Variants in SETD4 observed in about 807,000 individuals in gnomAD.
The protein encoded by SETD4 is SET domain-containing protein 4.
A neutral mutation model predicts 58.3 loss-of-function variants in SETD4; 46 were observed. That is an observed-to-expected ratio of 0.79 (90% CI 0.62 to 1.01). SETD4 has a LOEUF of 1.01. SETD4 is among the 50% of genes least tolerant of loss of function. The probability of loss-of-function intolerance (pLI) is 0.00; values close to 1 mark genes in which losing one functional copy is unlikely to be tolerated. For synonymous variants in SETD4, 190 were observed against 202.6 expected, an observed-to-expected ratio of 0.94 and a Z score of 0.53; for missense variants, 490 against 523.3, an observed-to-expected ratio of 0.94 and a Z score of 0.62.
intron 7 of SETD4, chr21:36,042,181 T>C (rs2064097249): frequency 1.0e-5 from 2 of 192,654 alleles, no homozygotes; most frequent in Non-Finnish European, 2.1e-5. Flanking sequence ...GACATCAGCA[T>C]GACTGTTGAA....
At chr21:36,049,217 G>C (rs533680594) in intron 4 of SETD4, among the ~76,000 whole-genome samples, 2 of 152,330 alleles carry the variant, frequency 1.3e-5, no homozygotes, top group East Asian at 3.9e-4. Flanking sequence ...GAAGCCAGAT[G>C]TAAGACTCTC....
Position 36,035,724 on chromosome 21 carries a change from G to T in SETD4, c.*269C>A. On this transcript the variant is annotated 3_prime_UTR_variant, in exon 12 of 12. Transcript: ENST00000332131. Reference sequence around the variant, plus strand: ...TGTCAGATAAGAAGCAGGCCCCGTGGTGACAGACCACACACGGACGCAGCT... The same window carrying T: ...TGTCAGATAAGAAGCAGGCCCCGTGTTGACAGACCACACACGGACGCAGCT... The T allele has an allele frequency of 4.0e-6, 1 of 253,042 alleles. No individual in the cohort carries two copies. Among genetic ancestry groups the T allele is most frequent in the Non-Finnish European group, 7.7e-6 (1 of 129,408 alleles). 15.7% of individuals were successfully genotyped at this position (253,042 alleles called of 1,614,324 possible).
At chr21:36,045,526 G>C (rs1043784210) in intron 6 of SETD4, 56 bp downstream of exon 6, 16 of 1,570,140 alleles carry the variant, frequency 1.0e-5, no homozygotes, top group Middle Eastern at 2.1e-4. Flanking sequence ...ACAGGTTCTG[G>C]GCAGCGGAAG....
chr21:36,047,317 C>T (rs1013026107), intron 5 of SETD4, among the ~76,000 whole-genome samples: 7 of 152,154 alleles, frequency 4.6e-5, no homozygotes, highest in South Asian at 2.1e-4. Flanking sequence ...CCTTCCACTG[C>T]GGGTCGCTCT....
chr21:36,044,368 A>G (rs965349038), intron 6 of SETD4, among the ~76,000 whole-genome samples: 1 of 152,252 alleles, frequency 6.6e-6, no homozygotes, highest in Non-Finnish European at 1.5e-5. Context: ...CAATCCTTTC[A>G]AAGTGTAAAA....
At position 36,043,878 on chromosome 21, in the gene SETD4, A is replaced by G. The variant is rs1319509291; in HGVS notation, c.805T>C (p.Phe269Leu). The G allele has an allele frequency of 6.2e-7, 1 of 1,614,112 alleles. No individual in the cohort carries two copies. The highest frequency in any genetic ancestry group is 1.3e-5 in the African/African-American group (1 of 74,938). ...TSRWRKHEEV[F>L]ICYGPHDNQR... ...TTATCGTGAGGGCCGTAACAGATGA[A>G]TACCTCTTCATGCTTTCTCCAACGT... The change falls in exon 7 of 12, where the codon TTC becomes CTC. Residue 269 changes from phenylalanine (F) to leucine (L), a missense_variant. Coordinates refer to ENST00000332131, the MANE Select transcript of SETD4 (RefSeq NM_017438.5).
Position 36,048,391 on chromosome 21 carries a change from T to TC in SETD4, c.212dup (p.Gln72ThrfsTer8). The TC allele has an allele frequency of 6.2e-7, 1 of 1,613,984 alleles. No homozygotes were observed. Among genetic ancestry groups the TC allele is most frequent in the South Asian group, 1.1e-5 (1 of 91,078 alleles). ...TCTCAGGCAACGAAATAATCATCTGTCCCTCCTGGCCAAAAGGAAAGTAAA... is the reference window on the plus strand; with the variant it reads ...TCTCAGGCAACGAAATAATCATCTGTCCCCTCCTGGCCAAAAGGAAAGTAAA... On this transcript the variant is annotated frameshift_variant, in exon 5 of 12. Transcript: ENST00000332131. LOFTEE classifies it high-confidence loss of function.
At position 36,038,244 on chromosome 21, in the gene SETD4, T is replaced by C. The variant is rs2063875003; in HGVS notation, c.1094A>G (p.Glu365Gly). The C allele has an allele frequency of 1.2e-6, 2 of 1,613,808 alleles. No homozygotes were observed. ...CTTCTCATTCGTATCTGAAATTACCTCCCCAAGAAGTACTTTTTTCCAGCA... is the reference window on the plus strand; with the variant it reads ...CTTCTCATTCGTATCTGAAATTACCCCCCCAAGAAGTACTTTTTTCCAGCA... ...FTCWKKVLLG[E>G]VISDTNEKTS... is the part of the protein sequence containing the mutation. Residue 365 changes from glutamate (E) to glycine (G), a missense_variant, in exon 10 of 12, where the codon GAG becomes GGG. By Grantham distance (98) the Glu-to-Gly change is moderately conservative. Transcript: ENST00000332131.
At chr21:36,043,747 A>G in intron 7 of SETD4, 35 bp downstream of exon 7, 5 of 1,604,406 alleles carry the variant, frequency 3.1e-6, no homozygotes, top group Non-Finnish European at 4.3e-6. Flanking sequence ...AAAAAATTAT[A>G]TAGTGTTAAT....
At chr21:36,053,668 G>C (rs1167291888) in intron 3 of SETD4, 48 bp from the exon 4 acceptor site, 1 of 1,578,604 alleles carries the variant, frequency 6.3e-7, no homozygotes. Flanking sequence ...ATAACTTCAA[G>C]GTCCCAGAGA....
intron 3 of SETD4, among the ~76,000 whole-genome samples, chr21:36,054,454 C>T (rs1045341191): frequency 6.6e-6 from 1 of 152,216 alleles, no homozygotes; most frequent in African/African-American, 2.4e-5. Flanking sequence ...TCGTTCTTCA[C>T]CTTTCCTCTC....
At chr21:36,044,703 C>T (rs149606898) in intron 6 of SETD4, among the ~76,000 whole-genome samples, 6 of 152,342 alleles carry the variant, frequency 3.9e-5, no homozygotes, top group African/African-American at 1.4e-4. Flanking sequence ...GCGGGAACCT[C>T]CCTAAGCTCT....
intron 4 of SETD4, among the ~76,000 whole-genome samples, chr21:36,049,533 C>T (rs973720543): frequency 2.6e-5 from 4 of 151,940 alleles, no homozygotes; most frequent in African/African-American, 4.8e-5. Context: ...CTAGCCTGGG[C>T]GACAGAACGT....
At chr21:36,057,577 T>C in intron 2 of SETD4, 1 of 455,690 alleles carries the variant, frequency 2.2e-6, no homozygotes, top group Non-Finnish European at 4.0e-6. Context: ...ACTATATTCA[T>C]TCAATGTAAT....
At position 36,053,443 on chromosome 21, in the gene SETD4, A is replaced by G. The variant is rs1342831938; in HGVS notation, c.207+140T>C. ...TGCAACAAACTTAATCCTAGTTGAT[A>G]GAACCATATTCAAATATATCTATTA... is the stretch of plus-strand genomic sequence containing the variant. On this transcript the variant is annotated intron_variant, in intron 4 of 11. Coordinates refer to ENST00000332131, the MANE Select transcript of SETD4 (RefSeq NM_017438.5). The G allele has an allele frequency of 4.8e-6, 4 of 830,334 alleles. No homozygotes were observed. In the African/African-American group the frequency reaches 6.8e-5, roughly 14 times the overall value. 51.4% of individuals were successfully genotyped at this position (830,334 alleles called of 1,614,324 possible).
At chr21:36,049,638 A>T (rs1004958361) in intron 4 of SETD4, among the ~76,000 whole-genome samples, 2 of 152,240 alleles carry the variant, frequency 1.3e-5, no homozygotes, top group Non-Finnish European at 2.9e-5. Flanking sequence ...ATTAAGCTGG[A>T]TGATCACTAT....
intron 10 of SETD4, 125 bp downstream of exon 10, chr21:36,038,025 A>T (rs922365232): frequency 1.7e-5 from 19 of 1,125,120 alleles, no homozygotes; most frequent in Middle Eastern, 5.8e-4. Flanking sequence ...GATTACATCA[A>T]CATTTATTTA....
At position 36,059,742 on chromosome 21, in the gene SETD4, G is replaced by C. The variant is rs1036601927; in HGVS notation, c.-37+605C>G. 1.2e-5 allele frequency: 12 copies of C among 984,530 alleles called. No homozygotes were observed. The Admixed American group carries it at 6.8e-4, about 55-fold the overall frequency. 61.0% of individuals were successfully genotyped at this position (984,530 alleles called of 1,614,324 possible). A position where few individuals can be genotyped will look rare whatever the true frequency, so the allele number is the denominator to read the frequency against. ...AAATAAATCTACTTCTAAAACATAC[G>C]AGGGCAGAAATGAGCAAGAGACAAG... On this transcript the variant is annotated intron_variant, in intron 1 of 11. Coordinates refer to ENST00000332131, the MANE Select transcript of SETD4 (RefSeq NM_017438.5).
intron 4 of SETD4, chr21:36,051,049 C>T (rs1286123393): frequency 2.0e-6 from 3 of 1,469,444 alleles, no homozygotes; most frequent in Admixed American, 3.3e-5. Flanking sequence ...GTCTGTGAGG[C>T]CAATGCAAAT....
Sources: allele counts gnomAD v4.1 joint callset (sites outside exome capture counted in the v4.1 genomes callset), GRCh38; gene constraint gnomAD v4.1.1; transcripts MANE v1.5; gene names NCBI Gene and HGNC (gene_info 2026-07-23, HGNC 2026-07-21).